The following TCERG1L variants were observed in gnomAD, a reference collection of about 807,000 sequenced individuals.
TCERG1L encodes the protein transcription elongation regulator 1-like protein.
Under a neutral mutation model 56.3 loss-of-function variants are expected in TCERG1L, and 37 were observed. The ratio of observed to expected loss-of-function variants is 0.66; its 90% CI spans 0.51 to 0.87. The LOEUF (loss-of-function observed/expected upper bound fraction) is 0.87, where lower values mean the gene tolerates loss of function less well. TCERG1L is among the 40% of genes least tolerant of loss of function. TCERG1L has a pLI of 0.00. For missense variants in TCERG1L, 799 were observed against 774.2 expected (o/e 1.03, Z -0.38); for synonymous variants, 324 against 326.3 (o/e 0.99, Z 0.08).
At chr10:131,141,609 G>A (rs545096271) in intron 7 of TCERG1L, among the ~76,000 whole-genome samples, 1 of 151,704 alleles carries the variant, frequency 6.6e-6, no homozygotes, top group Non-Finnish European at 1.5e-5. Flanking sequence ...CCCTTCCCTT[G>A]CTCCCTCCCT....
At chr10:131,153,986 C>T (rs887750416) in intron 6 of TCERG1L, among the ~76,000 whole-genome samples, 4 of 152,278 alleles carry the variant, frequency 2.6e-5, no homozygotes, top group South Asian at 4.1e-4. Flanking sequence ...GAAATCCACC[C>T]ATCCACTCGT....
At chr10:131,121,182 A>G (rs1845508713) in intron 8 of TCERG1L, among the ~76,000 whole-genome samples, 1 of 152,166 alleles carries the variant, frequency 6.6e-6, no homozygotes, top group Non-Finnish European at 1.5e-5. Context: ...ACAGGTTGAG[A>G]TGGCGTCACT....
intron 4 of TCERG1L, among the ~76,000 whole-genome samples, chr10:131,186,503 C>T (rs766044949): frequency 6.6e-6 from 1 of 152,068 alleles, no homozygotes; most frequent in African/African-American, 2.4e-5. Context: ...TCCAGAGACA[C>T]GAGGCTGCAG....
intron 3 of TCERG1L, among the ~76,000 whole-genome samples, chr10:131,286,695 G>A (rs1846547341): frequency 6.6e-6 from 1 of 152,214 alleles, no homozygotes. Context: ...AAGAAATAGA[G>A]AGGTCACATT....
At chr10:131,264,441 G>A (rs1008665953) in intron 3 of TCERG1L, among the ~76,000 whole-genome samples, 1 of 152,220 alleles carries the variant, frequency 6.6e-6, no homozygotes, top group African/African-American at 2.4e-5. Context: ...CATACAGCTT[G>A]GTACTTAGTA....
chr10:131,176,046 C>T (rs776725617), intron 4 of TCERG1L, among the ~76,000 whole-genome samples: 2 of 152,208 alleles, frequency 1.3e-5, no homozygotes, highest in East Asian at 1.9e-4. Flanking sequence ...TGCCGACAGA[C>T]GGAGAGCTTC....
rs1026109259 is a variant in TCERG1L at position 131,267,667 on chromosome 10, T to C, written c.671-7223A>G. 2.0e-5 allele frequency among the ~76,000 whole-genome samples: 3 copies of C among 152,116 alleles called. No individual in the cohort carries two copies. The highest frequency in any genetic ancestry group is 2.9e-5 in the Non-Finnish European group (2 of 68,006). On this transcript the variant is annotated intron_variant, in intron 3 of 11. Transcript: ENST00000368642. This position sits in a 1 kb window ranked among gnomAD's most constrained non-coding sequence, Gnocchi z 4.9. Reference sequence around the variant, plus strand: ...TCCCAGGACATGGCAGAGTGTGAGGTTGAAGCTGTGGCAGAGGCTCCAAGC... The same window carrying C: ...TCCCAGGACATGGCAGAGTGTGAGGCTGAAGCTGTGGCAGAGGCTCCAAGC...
chr10:131,235,300 T>C (rs1845901864), intron 4 of TCERG1L, among the ~76,000 whole-genome samples: 2 of 152,162 alleles, frequency 1.3e-5, no homozygotes, highest in African/African-American at 4.8e-5. Context: ...AGAGTGGAAA[T>C]AGACAACTCT....
rs1845326729 is a variant in TCERG1L, at chr10:131,103,929, C to A, written c.1485+336G>T. On this transcript the variant is annotated intron_variant, in intron 10 of 11. Coordinates refer to ENST00000368642, the MANE Select transcript of TCERG1L (RefSeq NM_174937.4). The surrounding 1 kb of genome is among the most constrained non-coding windows in gnomAD (Gnocchi z 4.3). ...ACCTTAAGGTCTTATGTAAGACCAC[C>A]TCTTTCACTATCTTTATATAATACC... Among the ~76,000 whole-genome samples the A allele has an allele frequency of 6.6e-6, 1 of 152,098 alleles. No individual in the cohort carries two copies.
intron 6 of TCERG1L, among the ~76,000 whole-genome samples, chr10:131,154,455 G>A (rs1417428630): frequency 2.6e-5 from 4 of 152,208 alleles, no homozygotes; most frequent in African/African-American, 9.7e-5. Context: ...GGAGTGTCCT[G>A]GGGATGGACA....
At chr10:131,294,241 G>A (rs1027522922) in intron 3 of TCERG1L, among the ~76,000 whole-genome samples, 4 of 152,008 alleles carry the variant, frequency 2.6e-5, no homozygotes, top group Non-Finnish European at 5.9e-5. Context: ...CCCTGCCCCC[G>A]AGCTAAATCA....
intron 3 of TCERG1L, among the ~76,000 whole-genome samples, chr10:131,293,669 G>C (rs975019057): frequency 1.3e-5 from 2 of 152,118 alleles, no homozygotes; most frequent in Admixed American, 1.3e-4. Flanking sequence ...TGGCCTGTAA[G>C]AGAACGTGCT....
chr10:131,094,038 C>A (rs1006559541), intron 11 of TCERG1L, among the ~76,000 whole-genome samples: 3 of 152,230 alleles, frequency 2.0e-5, no homozygotes, highest in Non-Finnish European at 2.9e-5. Flanking sequence ...TAAGAAAATG[C>A]GAGCGACCCA....
intron 7 of TCERG1L, 55 bp downstream of exon 7, chr10:131,146,450 GA>G: frequency 6.9e-7 from 1 of 1,452,368 alleles, no homozygotes; most frequent in South Asian, 1.6e-5. Flanking sequence ...ACGTTCATTA[GA>G]AATAAGCAGC....
chr10:131,177,031 CAG>C (rs1491054927), intron 4 of TCERG1L, among the ~76,000 whole-genome samples: 1 of 151,702 alleles, frequency 6.6e-6, no homozygotes, highest in African/African-American at 2.4e-5. Flanking sequence ...TACGTGTATA[CAG>C]ACACATGCAC....
chr10:131,301,672 G>A (rs1019721584), intron 3 of TCERG1L, among the ~76,000 whole-genome samples: 1 of 151,742 alleles, frequency 6.6e-6, no homozygotes, highest in Non-Finnish European at 1.5e-5. Flanking sequence ...AAAAAATCAT[G>A]CTGATAAGTG....
intron 4 of TCERG1L, among the ~76,000 whole-genome samples, chr10:131,206,348 A>C (rs1313168074): frequency 6.6e-6 from 1 of 152,046 alleles, no homozygotes; most frequent in Non-Finnish European, 1.5e-5. Flanking sequence ...TGGAGTGAAG[A>C]CCGGTGTGGG....
chr10:131,208,587 C>G (rs1212427730), intron 4 of TCERG1L, among the ~76,000 whole-genome samples: 4 of 152,202 alleles, frequency 2.6e-5, no homozygotes, highest in African/African-American at 9.7e-5. Context: ...AATCTGTCCC[C>G]TGCCCCACCG....
In TCERG1L at chr10:131,093,137, G is replaced by C. The variant is rs376144808; in HGVS notation, c.*25C>G. 3.7e-6 allele frequency: 6 copies of C among 1,608,856 alleles called. No homozygotes were observed. The highest frequency in any genetic ancestry group is 1.7e-5 in the Admixed American group (1 of 59,608). On this transcript the variant is annotated 3_prime_UTR_variant, in exon 12 of 12. Transcript: ENST00000368642. ...CCCGGCACGCCCAGGGTCAACCCCCGGGCTTATTGCATTTTTTCACAAACT... is the reference window on the plus strand; with the variant it reads ...CCCGGCACGCCCAGGGTCAACCCCCCGGCTTATTGCATTTTTTCACAAACT...
Sources: gnomAD v4.1 joint callset for allele counts (sites outside exome capture counted in the v4.1 genomes callset) on GRCh38, gnomAD v4.1.1 for gene constraint, Gnocchi (gnomAD v3.1) non-coding constraint, MANE v1.5 for transcripts, NCBI Gene and HGNC (gene_info 2026-07-23, HGNC 2026-07-21) for gene names.